The following TNS3 variants were observed in gnomAD, a reference collection of about 807,000 sequenced individuals.
The protein encoded by TNS3 is tensin-3.
In TNS3, 45 loss-of-function variants were observed where a neutral mutation model predicts 140.9. That is an observed-to-expected ratio of 0.32 (90% CI 0.25 to 0.41). TNS3 has a LOEUF of 0.41. Among genes scored for constraint, TNS3 ranks in the 10% least tolerant of loss-of-function variants. TNS3 has a pLI of 1.00. For synonymous variants in TNS3, 815 were observed against 788.4 expected, an observed-to-expected ratio of 1.03 and a Z score of -0.56; for missense variants, 1,716 against 1,906.7, an observed-to-expected ratio of 0.90 and a Z score of 1.86.
intron 3 of TNS3, among the ~76,000 whole-genome samples, chr7:47,484,115 A>G (rs931259297): frequency 4.6e-5 from 7 of 152,196 alleles, no homozygotes; most frequent in African/African-American, 1.7e-4. Context: ...CTCTCTTCCA[A>G]GAGAACCAGT....
intron 11 of TNS3, 72 bp downstream of exon 11, chr7:47,415,022 A>G: frequency 2.6e-6 from 3 of 1,163,146 alleles, no homozygotes; most frequent in Non-Finnish European, 3.7e-6. Flanking sequence ...GCTTATCTAA[A>G]TTGAGGGGCC....
chr7:47,359,643 T>C (rs1790203630), intron 17 of TNS3, among the ~76,000 whole-genome samples: 1 of 152,234 alleles, frequency 6.6e-6, no homozygotes, highest in Non-Finnish European at 1.5e-5. Flanking sequence ...ACCAAAGATT[T>C]TCATCTCAAA....
intron 3 of TNS3, among the ~76,000 whole-genome samples, chr7:47,506,427 A>G (rs1294282354): frequency 6.6e-6 from 1 of 152,078 alleles, no homozygotes; most frequent in Non-Finnish European, 1.5e-5. Flanking sequence ...GAGACTCACA[A>G]ACCTCAGTGA....
chr7:47,552,338 G>A (rs935912709), intron 1 of TNS3, among the ~76,000 whole-genome samples: 1 of 152,140 alleles, frequency 6.6e-6, no homozygotes, highest in Non-Finnish European at 1.5e-5. Flanking sequence ...TGCCTCCGTT[G>A]CAGAAATCAA....
intron 17 of TNS3, among the ~76,000 whole-genome samples, chr7:47,352,572 CT>C (rs1273779715): frequency 1.3e-5 from 2 of 152,232 alleles, no homozygotes; most frequent in Admixed American, 1.3e-4. Flanking sequence ...CACCTGGGAG[CT>C]GCCTGTCAGG....
intron 20 of TNS3, among the ~76,000 whole-genome samples, chr7:47,310,600 C>T (rs1265596840): frequency 6.6e-6 from 1 of 152,118 alleles, no homozygotes; most frequent in African/African-American, 2.4e-5. Flanking sequence ...CCAAGACTGC[C>T]ACCACCCCAC....
intron 2 of TNS3, among the ~76,000 whole-genome samples, chr7:47,521,089 C>T (rs1274190266): frequency 7.2e-5 from 11 of 152,142 alleles, no homozygotes; most frequent in Admixed American, 3.3e-4. Flanking sequence ...AGCAGTGCAT[C>T]GCATCATAGT....
chr7:47,580,650 T>C (rs1365384340), intron 1 of TNS3, among the ~76,000 whole-genome samples: 2 of 151,510 alleles, frequency 1.3e-5, no homozygotes, highest in African/African-American at 2.4e-5. Context: ...AGAAAAGCCT[T>C]TCTTAATACT....
Position 47,501,083 on chromosome 7 carries a change from A to G in TNS3, c.-115+5824T>C, listed in dbSNP as rs1198430529. Among the ~76,000 whole-genome samples the G allele has an allele frequency of 2.6e-5, 4 of 151,050 alleles. No homozygotes were observed. In the East Asian group the frequency reaches 7.8e-4, roughly 29 times the overall value. On this transcript the variant is annotated intron_variant, in intron 3 of 30. Transcript: ENST00000311160. Reference sequence around the variant, plus strand: ...CCGGGTGACGGAGGGAAGAAAGACAAACAGAAAGAGAGAAAGAGAGAAAGG... The same window carrying G: ...CCGGGTGACGGAGGGAAGAAAGACAGACAGAAAGAGAGAAAGAGAGAAAGG...
At chr7:47,532,122 G>A (rs930567199) in intron 1 of TNS3, among the ~76,000 whole-genome samples, 5 of 151,996 alleles carry the variant, frequency 3.3e-5, no homozygotes, top group Non-Finnish European at 7.4e-5. Flanking sequence ...TGCCTGGCCT[G>A]TCTCCTCTCC....
chr7:47,542,545 G>A lies in TNS3; in HGVS notation c.-264-13398C>T, dbSNP rs144979196. Among the ~76,000 whole-genome samples, 770 of 152,282 alleles carry A rather than the reference G, an allele frequency of 5.1e-3. 19 individuals are homozygous for A. Among genetic ancestry groups the A allele is most frequent in the East Asian group, 0.043 (221 of 5,178 alleles). Reference sequence around the variant, plus strand: ...CTCCTCTACCCACTACATGCCCGTCGACACGAAATCTGACATGGCCAGTCC... The same window carrying A: ...CTCCTCTACCCACTACATGCCCGTCAACACGAAATCTGACATGGCCAGTCC... On this transcript the variant is annotated intron_variant, in intron 1 of 30. Transcript: ENST00000311160.
chr7:47,283,956 G>A (rs1009167289), intron 27 of TNS3, 91 bp from the exon 28 acceptor site: 1 of 1,289,168 alleles, frequency 7.8e-7, no homozygotes, highest in Non-Finnish European at 1.0e-6. Flanking sequence ...TGTGCAGACT[G>A]GGTTTATGAA....
chr7:47,557,065 C>G, intron 1 of TNS3: 1 of 456,808 alleles, frequency 2.2e-6, no homozygotes, highest in Non-Finnish European at 4.4e-6. Flanking sequence ...GTGCCTAGTC[C>G]CCATCTTCCA....
intron 17 of TNS3, among the ~76,000 whole-genome samples, chr7:47,363,784 C>T (rs116623122): frequency 0.014 from 2,085 of 152,290 alleles, 44 homozygotes; most frequent in African/African-American, 0.048. Flanking sequence ...GGGGCTGAAC[C>T]TCATGCACAC....
chr7:47,519,816 C>T (rs200704509), intron 2 of TNS3, among the ~76,000 whole-genome samples: 41 of 74,824 alleles, frequency 5.5e-4, no homozygotes, highest in East Asian at 1.0e-3. Context: ...CCTCACATTT[C>T]TTTTTTTTTT....
intron 3 of TNS3, among the ~76,000 whole-genome samples, chr7:47,498,512 A>C (rs1798096508): frequency 6.6e-6 from 1 of 152,230 alleles, no homozygotes; most frequent in African/African-American, 2.4e-5. Context: ...GTGTTGTTTC[A>C]TCTGTTACAA....
chr7:47,395,257 G>A (rs1156814730), intron 16 of TNS3, among the ~76,000 whole-genome samples: 2 of 152,102 alleles, frequency 1.3e-5, no homozygotes, highest in Non-Finnish European at 2.9e-5. Flanking sequence ...GGACCTCTCT[G>A]GTAAAATCCA....
intron 13 of TNS3, among the ~76,000 whole-genome samples, chr7:47,404,116 T>C (rs1399490231): frequency 6.6e-6 from 1 of 152,222 alleles, no homozygotes; most frequent in Non-Finnish European, 1.5e-5. Flanking sequence ...AGATGTGCAG[T>C]CACAATTTTG....
At chr7:47,406,348 G>A (rs1301340432) in intron 13 of TNS3, among the ~76,000 whole-genome samples, 1 of 152,218 alleles carries the variant, frequency 6.6e-6, no homozygotes, top group African/African-American at 2.4e-5. Context: ...AGTCCAGGGA[G>A]TGGCAAGTGG....
Sources: allele counts gnomAD v4.1 joint callset (sites outside exome capture counted in the v4.1 genomes callset), GRCh38; gene constraint gnomAD v4.1.1; transcripts MANE v1.5; gene names NCBI Gene and HGNC (gene_info 2026-07-23, HGNC 2026-07-21).